The following ACOXL variants were observed in gnomAD, a reference collection of about 807,000 sequenced individuals.
ACOXL encodes acyl-CoA oxidase like, also known as acyl-coenzyme A oxidase-like protein.
A neutral mutation model predicts 71.9 loss-of-function variants in ACOXL; 70 were observed. That is an observed-to-expected ratio of 0.97 (90% CI 0.80 to 1.19). ACOXL has a LOEUF of 1.19. ACOXL is among the 50% of genes most tolerant of loss of function. ACOXL has a pLI of 0.00. For missense variants in ACOXL, 703 were observed against 736.3 expected (o/e 0.95, Z 0.52); for synonymous variants, 253 against 281.6 (o/e 0.90, Z 1.02).
chr2:111,067,469 G>C (rs901317425), intron 16 of ACOXL, among the ~76,000 whole-genome samples: 6 of 152,194 alleles, frequency 3.9e-5, no homozygotes, highest in African/African-American at 1.4e-4. Context: ...TTAAAGTCAA[G>C]CTAATTCTCC....
chr2:111,054,523 C>G (rs2066439014), intron 16 of ACOXL, among the ~76,000 whole-genome samples: 1 of 152,202 alleles, frequency 6.6e-6, no homozygotes, highest in Admixed American at 6.5e-5. Context: ...CCCAGGAAGG[C>G]TCCACTGATG....
chr2:111,089,292 G>C (rs148045626), intron 16 of ACOXL, among the ~76,000 whole-genome samples: 1 of 151,562 alleles, frequency 6.6e-6, no homozygotes, highest in African/African-American at 2.4e-5. Context: ...CCGAGACTCC[G>C]TCTCAAAAAC....
intron 12 of ACOXL, among the ~76,000 whole-genome samples, chr2:110,961,938 G>T (rs1027756428): frequency 6.6e-6 from 1 of 152,154 alleles, no homozygotes; most frequent in African/African-American, 2.4e-5. Context: ...CCTACCACTG[G>T]GTCCCTCCCA....
chr2:111,029,441 C>T (rs2065163157), intron 14 of ACOXL, among the ~76,000 whole-genome samples: 2 of 152,234 alleles, frequency 1.3e-5, no homozygotes, highest in Non-Finnish European at 2.9e-5. Flanking sequence ...AGAATTTGAC[C>T]TTCTGATGCG....
intron 11 of ACOXL, among the ~76,000 whole-genome samples, chr2:110,919,097 T>A (rs1279496199): frequency 9.0e-6 from 1 of 111,542 alleles, no homozygotes; most frequent in Non-Finnish European, 2.0e-5. Context: ...TAAAGACACA[T>A]GCACAGGTAG....
At chr2:110,987,073 T>C (rs1407473117) in intron 12 of ACOXL, 35 bp from the exon 13 acceptor site, 8 of 1,525,268 alleles carry the variant, frequency 5.2e-6, no homozygotes, top group African/African-American at 1.4e-5. Context: ...TTTTTTACAC[T>C]GCTGAGACTG....
chr2:110,843,028 G>A (rs923383710), intron 10 of ACOXL, among the ~76,000 whole-genome samples: 4 of 152,182 alleles, frequency 2.6e-5, no homozygotes, highest in Non-Finnish European at 5.9e-5. Context: ...AGCATGGTGC[G>A]CACACGGACC....
At chr2:110,955,052 G>A (rs2061447493) in intron 12 of ACOXL, among the ~76,000 whole-genome samples, 1 of 151,866 alleles carries the variant, frequency 6.6e-6, no homozygotes, top group African/African-American at 2.4e-5. Flanking sequence ...ATGACCTATG[G>A]TTTCACTATA....
intron 10 of ACOXL, among the ~76,000 whole-genome samples, chr2:110,885,630 A>C (rs953258438): frequency 6.6e-6 from 1 of 152,284 alleles, no homozygotes; most frequent in Non-Finnish European, 1.5e-5. Flanking sequence ...GCCCATTATC[A>C]CAACATTAGC....
chr2:110,835,922 C>G (rs150181179), intron 9 of ACOXL, among the ~76,000 whole-genome samples: 8 of 152,260 alleles, frequency 5.3e-5, no homozygotes, highest in African/African-American at 1.7e-4. Flanking sequence ...AGTTAATCGG[C>G]CTAAAACAAC....
At chr2:110,831,499 C>G (rs773756808) in intron 9 of ACOXL, among the ~76,000 whole-genome samples, 3 of 152,170 alleles carry the variant, frequency 2.0e-5, no homozygotes, top group Non-Finnish European at 4.4e-5. Flanking sequence ...CATTGGAAGA[C>G]TCCACATGAT....
intron 14 of ACOXL, among the ~76,000 whole-genome samples, chr2:111,028,519 C>G (rs2065119248): frequency 6.8e-6 from 1 of 146,302 alleles, no homozygotes; most frequent in Non-Finnish European, 1.5e-5. Context: ...GCTAGAATCT[C>G]CATTTTGGTG....
At chr2:110,734,155 T>C (rs1676546081) in intron 1 of ACOXL, among the ~76,000 whole-genome samples, 1 of 152,216 alleles carries the variant, frequency 6.6e-6, no homozygotes, top group South Asian at 2.1e-4. Flanking sequence ...CACTAATAGA[T>C]TTATTAGTTA....
chr2:110,827,059 C>G (rs960545311), intron 9 of ACOXL, among the ~76,000 whole-genome samples: 3 of 152,154 alleles, frequency 2.0e-5, no homozygotes, highest in Non-Finnish European at 4.4e-5. Context: ...GCTTAATGTG[C>G]ACAGACAACT....
intron 9 of ACOXL, among the ~76,000 whole-genome samples, chr2:110,808,035 A>G (rs1243160278): frequency 1.3e-5 from 2 of 152,094 alleles, no homozygotes; most frequent in African/African-American, 2.4e-5. Flanking sequence ...AAGCCTTGCC[A>G]TATTGACCAT....
chr2:110,824,428 T>A (rs1437937347), intron 9 of ACOXL, among the ~76,000 whole-genome samples: 1 of 152,228 alleles, frequency 6.6e-6, no homozygotes, highest in Non-Finnish European at 1.5e-5. Flanking sequence ...TAGGGTCCCA[T>A]AAAGTGACAC....
intron 11 of ACOXL, among the ~76,000 whole-genome samples, chr2:110,914,716 G>A (rs1475831576): frequency 6.6e-6 from 1 of 152,130 alleles, no homozygotes; most frequent in Admixed American, 6.5e-5. Context: ...ACAATATTGA[G>A]TAGCAGTGGT....
At chr2:110,880,006 C>T (rs1254239967) in intron 10 of ACOXL, among the ~76,000 whole-genome samples, 1 of 151,730 alleles carries the variant, frequency 6.6e-6, no homozygotes, top group East Asian at 1.9e-4. Flanking sequence ...ATTAGCCAAG[C>T]ATGGTGGCAG....
At chr2:110,830,910 A>C (rs768114175) in intron 9 of ACOXL, among the ~76,000 whole-genome samples, 2 of 152,230 alleles carry the variant, frequency 1.3e-5, no homozygotes, top group Non-Finnish European at 2.9e-5. Flanking sequence ...GTTGTTTTTC[A>C]GCAATATTTG....
Sources: allele counts gnomAD v4.1 joint callset (sites outside exome capture counted in the v4.1 genomes callset), GRCh38; gene constraint gnomAD v4.1.1; transcripts MANE v1.5; gene names NCBI Gene and HGNC (gene_info 2026-07-23, HGNC 2026-07-21).